Variants in TF observed in about 807,000 individuals in gnomAD.
TF encodes the protein transferrin.
TF carries 55 observed loss-of-function variants against 82.4 expected under a neutral mutation model. The observed-to-expected ratio is 0.67, with a 90% confidence interval of 0.54 to 0.84. The LOEUF (loss-of-function observed/expected upper bound fraction) is 0.84, where lower values mean the gene tolerates loss of function less well. Ranked by LOEUF, TF falls within the 40% of genes least tolerant of loss-of-function variation. The pLI is 0.00. For synonymous variants in TF, 332 were observed against 332.6 expected (o/e 1.00, Z 0.02); for missense variants, 737 against 868.4 (o/e 0.85, Z 1.90).
chr3:133,740,693 G>T, the TF span, among the ~76,000 whole-genome samples: 1 of 151,978 alleles, frequency 6.6e-6, no homozygotes, highest in African/African-American at 2.4e-5. Context: ...AAAAACATTT[G>T]GAATTTGATT....
intron 8 of TF, 100 bp downstream of exon 8, chr3:133,758,046 C>A: frequency 8.8e-7 from 1 of 1,132,956 alleles, no homozygotes. Context: ...CACGCCTCTC[C>A]TGATGCTCCT....
the TF span, among the ~76,000 whole-genome samples, chr3:133,671,381 T>C: frequency 6.6e-6 from 1 of 152,170 alleles, no homozygotes; most frequent in Non-Finnish European, 1.5e-5. Context: ...CATGAAGTTA[T>C]AATATATCAA....
intron 2 of TF, among the ~76,000 whole-genome samples, chr3:133,749,470 C>T (rs772646050): frequency 6.6e-5 from 10 of 152,108 alleles, no homozygotes; most frequent in Admixed American, 2.0e-4. Flanking sequence ...GAAAAACACA[C>T]GAATAAGTAA....
chr3:133,759,983 T>G (rs1933947378), intron 9 of TF, among the ~76,000 whole-genome samples: 1 of 152,046 alleles, frequency 6.6e-6, no homozygotes, highest in Admixed American at 6.6e-5. Flanking sequence ...TACCTTTTAC[T>G]CACTCACAGT....
In TF at chr3:133,783,697, G is replaced by C. The variant is rs1299408023; in HGVS notation, c.*5077G>C. 6.6e-6 allele frequency: 1 copy of C among 152,244 alleles called. No individual in the cohort carries two copies. The highest frequency in any genetic ancestry group is 1.5e-5 in the Non-Finnish European group (1 of 68,040). The allele number at this position is 152,244 out of a possible 1,614,324, so 9.4% of individuals were successfully genotyped here. A position where few individuals can be genotyped will look rare whatever the true frequency, so the allele number is the denominator to read the frequency against. On this transcript the variant is annotated 3_prime_UTR_variant, in exon 17 of 17. Coordinates refer to ENST00000402696, the MANE Select transcript of TF (RefSeq NM_001063.4). ...TATTTTGAAATCAGTATAAAAAGACGAACAGAATTTGAGATGTGAGCGCGG... is the reference window on the plus strand; with the variant it reads ...TATTTTGAAATCAGTATAAAAAGACCAACAGAATTTGAGATGTGAGCGCGG...
chr3:133,758,139 G>C (rs753769503), intron 8 of TF, among the ~76,000 whole-genome samples, 193 bp downstream of exon 8: 3 of 152,146 alleles, frequency 2.0e-5, no homozygotes, highest in Non-Finnish European at 4.4e-5. Flanking sequence ...TGTCACCATG[G>C]GCTTTACAGG....
the TF span, among the ~76,000 whole-genome samples, chr3:133,690,322 A>G: frequency 6.6e-6 from 1 of 152,228 alleles, no homozygotes; most frequent in Admixed American, 6.5e-5. Flanking sequence ...AGACATTACA[A>G]CTAAGAATAT....
chr3:133,765,817 A>T (rs1041422549), intron 11 of TF, among the ~76,000 whole-genome samples: 1 of 152,204 alleles, frequency 6.6e-6, no homozygotes, highest in African/African-American at 2.4e-5. Context: ...CATTTTGCAT[A>T]TTTATTTTGG....
chr3:133,739,420 C>T, the TF span, among the ~76,000 whole-genome samples: 1 of 152,124 alleles, frequency 6.6e-6, no homozygotes, highest in Non-Finnish European at 1.5e-5. Context: ...GACTTCATGT[C>T]TAAAACACCA....
chr3:133,727,270 T>G, the TF span, among the ~76,000 whole-genome samples: 4 of 151,924 alleles, frequency 2.6e-5, no homozygotes, highest in Non-Finnish European at 5.9e-5. Context: ...AAGTCTCCCA[T>G]TATTATTGTG....
the TF span, among the ~76,000 whole-genome samples, chr3:133,739,883 T>C: frequency 6.6e-6 from 1 of 152,214 alleles, no homozygotes; most frequent in African/African-American, 2.4e-5. Context: ...ACACTGTTGG[T>C]GGGAGTGTAA....
rs557743156 is a variant in TF at position 133,770,707 on chromosome 3, C to G, written c.1687+135C>G. 3.6e-4 allele frequency: 382 copies of G among 1,058,102 alleles called. 4 individuals carry two copies. The South Asian group carries it at 4.7e-3, about 13-fold the overall frequency. The allele number at this position is 1,058,102 out of a possible 1,614,324, so 65.5% of individuals were successfully genotyped here. A position where few individuals can be genotyped will look rare whatever the true frequency, so the allele number is the denominator to read the frequency against. On this transcript the variant is annotated intron_variant, in intron 14 of 16. Transcript: ENST00000402696. ...AAAGCTCTGATTCTCAGTCTGTCTG[C>G]TCAGTGAAGAGAGACATGTTCACCT...
chr3:133,674,395 G>A, the TF span, among the ~76,000 whole-genome samples: 2 of 152,222 alleles, frequency 1.3e-5, no homozygotes, highest in Admixed American at 6.5e-5. Context: ...TGGGAAGGGG[G>A]CGGGAGAGAG....
the TF span, among the ~76,000 whole-genome samples, chr3:133,721,553 C>T: frequency 1.1e-4 from 17 of 152,256 alleles, no homozygotes; most frequent in African/African-American, 3.6e-4. Flanking sequence ...AGAATGCATA[C>T]TTTGCAGCTG....
In TF at chr3:133,789,879, G is replaced by GTTTTT. The variant is rs56267966; in HGVS notation, c.*11284_*11288dup. On this transcript the variant is annotated 3_prime_UTR_variant, in exon 17 of 17. Coordinates refer to ENST00000402696, the MANE Select transcript of TF (RefSeq NM_001063.4). The stretch of plus-strand genomic sequence containing the variant: ...GCCAAAACAAAACGATCTCGTTTGC[G>GTTTTT]TTTTTTTTTTTTTTTTTTTTTTTTT... 549 of 88,910 alleles carry GTTTTT rather than the reference G, an allele frequency of 6.2e-3. 73 individuals carry two copies. The highest frequency in any genetic ancestry group is 9.8e-3 in the African/African-American group (179 of 18,250). The allele number at this position is 88,910 out of a possible 1,614,324, so 5.5% of individuals were successfully genotyped here. A position where few individuals can be genotyped will look rare whatever the true frequency, so the allele number is the denominator to read the frequency against.
chr3:133,726,953 T>C, the TF span, among the ~76,000 whole-genome samples: 1 of 152,192 alleles, frequency 6.6e-6, no homozygotes. Flanking sequence ...TCAGTTTCCA[T>C]GTAGTTGAGC....
chr3:133,728,773 A>G, the TF span, among the ~76,000 whole-genome samples: 1 of 151,830 alleles, frequency 6.6e-6, no homozygotes, highest in African/African-American at 2.4e-5. Flanking sequence ...TTTTTTCCCC[A>G]TCTTTGTGGT....
the TF span, among the ~76,000 whole-genome samples, chr3:133,668,253 C>T: frequency 7.9e-5 from 12 of 152,264 alleles, 1 homozygote; most frequent in East Asian, 1.9e-4. Context: ...CTCAAATTTT[C>T]GCAGCACAAG....
rs566489892 is a variant in TF at position 133,783,307 on chromosome 3, G to T, written c.*4687G>T. 29 of 152,224 alleles carry T rather than the reference G, an allele frequency of 1.9e-4. No individual in the cohort carries two copies. Among genetic ancestry groups the T allele is most frequent in the African/African-American group, 7.0e-4 (29 of 41,532 alleles). 9.4% of individuals were successfully genotyped at this position (152,224 alleles called of 1,614,324 possible). ...AGTTCCAGATATTAAATGCAAATGAGAATTTATTACATGATAAAGCTGGCA... is the reference window on the plus strand; with the variant it reads ...AGTTCCAGATATTAAATGCAAATGATAATTTATTACATGATAAAGCTGGCA... On this transcript the variant is annotated 3_prime_UTR_variant, in exon 17 of 17. Coordinates refer to ENST00000402696, the MANE Select transcript of TF (RefSeq NM_001063.4).
Sources: gnomAD v4.1 joint callset for allele counts (sites outside exome capture counted in the v4.1 genomes callset) on GRCh38, gnomAD v4.1.1 for gene constraint, MANE v1.5 for transcripts, NCBI Gene and HGNC (gene_info 2026-07-23, HGNC 2026-07-21) for gene names.